ZFHX3: variants seen among roughly 807,000 people sequenced by gnomAD.
The protein encoded by ZFHX3 is zinc finger homeobox protein 3.
In ZFHX3, 42 loss-of-function variants were observed where a neutral mutation model predicts 279.1. The observed-to-expected ratio is 0.15, with a 90% CI of 0.12 to 0.19. The LOEUF is 0.19. ZFHX3 is among the 10% of genes least tolerant of loss of function. The pLI, the probability that ZFHX3 is intolerant of heterozygous loss-of-function variation, is 1.00. For missense variants in ZFHX3, 4,981 were observed against 4,754.0 expected (o/e 1.05, Z -1.40); for synonymous variants, 2,293 against 1,957.8 (o/e 1.17, Z -4.52).
At chr16:73,393,508 C>A (rs2143405899) in intron 3 of ZFHX3, among the ~76,000 whole-genome samples, 1 of 152,286 alleles carries the variant, frequency 6.6e-6, no homozygotes, top group Admixed American at 6.5e-5. Context: ...AGATTTGAAG[C>A]AGAGATGAGC....
At chr16:73,839,276 G>A (rs1444128624) in intron 1 of ZFHX3, among the ~76,000 whole-genome samples, 2 of 127,758 alleles carry the variant, frequency 1.6e-5, no homozygotes, top group Admixed American at 1.0e-4. Context: ...GCAGGAGAAT[G>A]GCATGAACCC....
chr16:73,296,240 A>T (rs2014906795), intron 4 of ZFHX3, among the ~76,000 whole-genome samples: 1 of 152,216 alleles, frequency 6.6e-6, no homozygotes, highest in South Asian at 2.1e-4. Context: ...AAAATGTCCA[A>T]ACTCTCTCAT....
intron 2 of ZFHX3, among the ~76,000 whole-genome samples, chr16:73,626,637 G>A (rs1347230575): frequency 6.6e-6 from 1 of 152,184 alleles, no homozygotes; most frequent in East Asian, 1.9e-4. Flanking sequence ...TTTGCTGTCA[G>A]TACCATCTTT....
intron 5 of ZFHX3, among the ~76,000 whole-genome samples, chr16:73,226,837 G>T (rs188005913): frequency 6.6e-6 from 1 of 152,342 alleles, no homozygotes; most frequent in African/African-American, 2.4e-5. Flanking sequence ...GTGTGAAGCA[G>T]AGGAGGGATC....
At chr16:73,650,738 G>C (rs1398004869) in intron 2 of ZFHX3, among the ~76,000 whole-genome samples, 1 of 152,132 alleles carries the variant, frequency 6.6e-6, no homozygotes, top group East Asian at 1.9e-4. Flanking sequence ...ATTTAGGGTG[G>C]TCTTGAAGGT....
At chr16:73,522,777 A>G (rs777379201) in intron 2 of ZFHX3, among the ~76,000 whole-genome samples, 3 of 152,194 alleles carry the variant, frequency 2.0e-5, no homozygotes, top group Non-Finnish European at 4.4e-5. Flanking sequence ...TTATAAAGGA[A>G]AGAGATTTAA....
At chr16:73,668,500 C>T (rs2052868722) in intron 2 of ZFHX3, among the ~76,000 whole-genome samples, 1 of 152,084 alleles carries the variant, frequency 6.6e-6, no homozygotes, top group Non-Finnish European at 1.5e-5. Flanking sequence ...ATTCCCCTCC[C>T]TGTGTCTATG....
intron 1 of ZFHX3, among the ~76,000 whole-genome samples, chr16:73,710,099 C>G (rs1291584482): frequency 1.3e-5 from 2 of 152,162 alleles, no homozygotes; most frequent in Non-Finnish European, 2.9e-5. Context: ...AGGAGAATTT[C>G]TTGAACCTGG....
chr16:73,425,249 C>T (rs1315230262), intron 3 of ZFHX3, among the ~76,000 whole-genome samples: 1 of 152,204 alleles, frequency 6.6e-6, no homozygotes, highest in Admixed American at 6.5e-5. Flanking sequence ...TTGGTTATCT[C>T]TCTCCCCAGT....
chr16:72,787,783 T>C lies in ZFHX3; in HGVS notation c.10493A>G (p.Gln3498Arg), dbSNP rs749728980. ...GGTGGGGACGTGAAGCACCATCTCT[T>C]GCAGGTTCACCACAGACTGGCCGAA... ...CFFGQSVVNLQEMVLHVPTGG... is the reference protein window; with the variant it reads ...CFFGQSVVNLREMVLHVPTGG... The change falls in exon 10 of 10, where the codon CAA becomes CGA. Residue 3498 changes from glutamine to arginine, a missense_variant. Physicochemically the swap from Gln to Arg is conservative, Grantham distance 43. Transcript: ENST00000268489. The C allele has an allele frequency of 6.3e-7, 1 of 1,593,416 alleles. No individual in the cohort carries two copies. Among genetic ancestry groups the C allele is most frequent in the Admixed American group, 1.7e-5 (1 of 58,286 alleles).
At position 72,793,021 on chromosome 16, in the gene ZFHX3, T is replaced by C. The variant is rs1180416792; in HGVS notation, c.9427+234A>G. On this transcript the variant is annotated intron_variant, in intron 9 of 9. Coordinates refer to ENST00000268489, the MANE Select transcript of ZFHX3 (RefSeq NM_006885.4). The surrounding 1 kb of genome is among the most constrained non-coding windows in gnomAD (Gnocchi z 4.3). ...AGGACCCTCAAGTTTTTCCCTATTA[T>C]AGGGGATAAGAGTGGTTTCAAAGGA... Among the ~76,000 whole-genome samples, 1 of 152,214 alleles carries C rather than the reference T, an allele frequency of 6.6e-6. No individual in the cohort carries two copies. The highest frequency in any genetic ancestry group is 1.5e-5 in the Non-Finnish European group (1 of 68,030).
At chr16:73,890,460 C>T (rs1211731540) in intron 1 of ZFHX3, among the ~76,000 whole-genome samples, 3 of 152,200 alleles carry the variant, frequency 2.0e-5, no homozygotes, top group Non-Finnish European at 2.9e-5. Flanking sequence ...GGAGATAACA[C>T]TGAATGTCAG....
chr16:73,652,004 A>G (rs2052676803), intron 2 of ZFHX3, among the ~76,000 whole-genome samples: 1 of 152,218 alleles, frequency 6.6e-6, no homozygotes, highest in Non-Finnish European at 1.5e-5. Flanking sequence ...ACATCTTTTA[A>G]GAGTGTTTTA....
chr16:73,118,325 C>T (rs187158688), intron 7 of ZFHX3, among the ~76,000 whole-genome samples: 2 of 152,320 alleles, frequency 1.3e-5, no homozygotes, highest in East Asian at 3.9e-4. Context: ...TCTCGTGCCT[C>T]AGCCTCCTGA....
intron 7 of ZFHX3, among the ~76,000 whole-genome samples, chr16:73,116,135 A>C (rs4541099): frequency 0.44 from 66,741 of 150,734 alleles, 16,472 homozygotes; most frequent in Middle Eastern, 0.62. Flanking sequence ...AAAAAAAAAA[A>C]AAATGTTGCT....
chr16:72,787,751 C>T lies in ZFHX3; in HGVS notation c.10525G>A (p.Gly3509Ser), dbSNP rs1256025012. ...EMVLHVPTGG[G>S]GGGSGGGGGG... ...CCGCCGCCGCCACTGCCACCGCCGC[C>T]GCCGCCGGTGGGGACGTGAAGCACC... Residue 3509 changes from glycine to serine, a missense_variant, in exon 10 of 10, where the codon GGC becomes AGC. Gly to Ser is a moderately conservative substitution (Grantham distance 56). Around this residue, in one of 7 missense-constraint regions of ZFHX3, gnomAD observed 1,034 missense variants for 786.0 expected, o/e 1.32. Coordinates refer to ENST00000268489, the MANE Select transcript of ZFHX3 (RefSeq NM_006885.4). 8 of 1,420,740 alleles carry T rather than the reference C, an allele frequency of 5.6e-6. 1 individual carries two copies. The South Asian group carries it at 9.9e-5, about 18-fold the overall frequency. The allele number at this position is 1,420,740 out of a possible 1,614,324, so 88.0% of individuals were successfully genotyped here. A position where few individuals can be genotyped will look rare whatever the true frequency, so the allele number is the denominator to read the frequency against.
intron 7 of ZFHX3, among the ~76,000 whole-genome samples, chr16:73,109,440 T>C (rs1379045794): frequency 6.6e-6 from 1 of 152,216 alleles, no homozygotes; most frequent in Non-Finnish European, 1.5e-5. Flanking sequence ...ACCCGTTTCT[T>C]GGTATCACAA....
At chr16:73,572,611 G>A (rs566467417) in intron 2 of ZFHX3, among the ~76,000 whole-genome samples, 10 of 152,282 alleles carry the variant, frequency 6.6e-5, no homozygotes, top group African/African-American at 2.4e-4. Context: ...GTGTGTCCTG[G>A]GGTCCCCTCT....
At chr16:73,437,275 T>G (rs568158611) in intron 3 of ZFHX3, among the ~76,000 whole-genome samples, 1 of 152,266 alleles carries the variant, frequency 6.6e-6, no homozygotes, top group Admixed American at 6.5e-5. Flanking sequence ...GTCACACAAT[T>G]AACTAGTAAC....
Sources: gnomAD v4.1 joint callset for allele counts (sites outside exome capture counted in the v4.1 genomes callset) on GRCh38, gnomAD v4.1.1 for gene constraint, gnomAD v4.1.1 regional missense constraint, Gnocchi (gnomAD v3.1) non-coding constraint, MANE v1.5 for transcripts, NCBI Gene and HGNC (gene_info 2026-07-23, HGNC 2026-07-21) for gene names.